The following CATSPER4 variants were observed in gnomAD, a reference collection of about 807,000 sequenced individuals.
CATSPER4 encodes cation channel sperm associated 4.
CATSPER4 carries 46 observed loss-of-function variants against 54.4 expected under a neutral mutation model. The observed-to-expected ratio is 0.84, with a 90% confidence interval of 0.67 to 1.08. The LOEUF (loss-of-function observed/expected upper bound fraction) is 1.08, where lower values mean the gene tolerates loss of function less well. CATSPER4 is among the 50% of genes least tolerant of loss of function. CATSPER4 has a pLI of 0.00. For missense variants in CATSPER4, 574 were observed against 612.8 expected (o/e 0.94, Z 0.67); for synonymous variants, 230 against 231.9 (o/e 0.99, Z 0.08).
Position 26,201,068 on chromosome 1 carries a change from C to T in CATSPER4, c.1199+27C>T, listed in dbSNP as rs753083102. ...TAGGGGAGGGTACTGGGGCTGCCCC[C>T]AAGTCATGTGAGTCAAGGCTGGGCG... is the stretch of plus-strand genomic sequence containing the variant. On this transcript the variant is annotated intron_variant, in intron 8 of 9. Coordinates refer to ENST00000456354, the MANE Select transcript of CATSPER4 (RefSeq NM_198137.2). 4.5e-6 allele frequency: 7 copies of T among 1,561,734 alleles called. No individual in the cohort carries two copies. The East Asian group carries it at 1.3e-4, about 30-fold the overall frequency.
intron 7 of CATSPER4, among the ~76,000 whole-genome samples, chr1:26,200,449 G>C (rs1214430662): frequency 1.3e-5 from 2 of 152,136 alleles, no homozygotes; most frequent in African/African-American, 4.8e-5. Flanking sequence ...GTTAGCTACG[G>C]TATTATTCAT....
At chr1:26,201,224 G>A in intron 8 of CATSPER4, 130 bp from the exon 9 acceptor site, 1 of 1,072,066 alleles carries the variant, frequency 9.3e-7, no homozygotes. Context: ...TCACACAAGG[G>A]CACAGCTCGG....
rs1201224045 is a variant in CATSPER4, at chr1:26,201,452, C to T, written c.1298C>T (p.Ser433Leu). ...ACGAGCGGGTCGTTGGAGACTACGT[C>T]ATCCAAGGACATCCGCCAGATGTCT... ...SSTSGSLETT[S>L]SKDIRQMSQQ... Residue 433 changes from serine to leucine, a missense_variant, in exon 9 of 10, where the codon TCA becomes TTA. Ser to Leu is a moderately radical substitution (Grantham distance 145, BLOSUM62 -2). Coordinates refer to ENST00000456354, the MANE Select transcript of CATSPER4 (RefSeq NM_198137.2). 1 of 1,613,866 alleles carries T rather than the reference C, an allele frequency of 6.2e-7. No homozygotes were observed. Among genetic ancestry groups the T allele is most frequent in the Non-Finnish European group, 8.5e-7 (1 of 1,179,760 alleles).
intron 6 of CATSPER4, 120 bp downstream of exon 6, chr1:26,198,539 G>C: frequency 7.7e-7 from 1 of 1,297,130 alleles, no homozygotes; most frequent in Non-Finnish European, 1.1e-6. Context: ...AGAAGTGGGG[G>C]TTCCCAGGTC....
At chr1:26,195,506 C>T (rs1569903428) in intron 3 of CATSPER4, among the ~76,000 whole-genome samples, 1 of 142,210 alleles carries the variant, frequency 7.0e-6, no homozygotes, top group South Asian at 2.2e-4. Context: ...TTTTCTTTTT[C>T]TTTTTTTTTT....
At chr1:26,200,750 C>A (rs1569911274) in intron 7 of CATSPER4, 80 bp from the exon 8 acceptor site, 1 of 1,132,420 alleles carries the variant, frequency 8.8e-7, no homozygotes, top group Non-Finnish European at 1.3e-6. Flanking sequence ...AGAGACTCAT[C>A]CTGAAGCCAA....
Position 26,197,939 on chromosome 1 carries a change from T to C in CATSPER4, c.558-18T>C. 6.2e-7 allele frequency: 1 copy of C among 1,612,442 alleles called. No homozygotes were observed. The highest frequency in any genetic ancestry group is 8.5e-7 in the Non-Finnish European group (1 of 1,179,884). The stretch of plus-strand genomic sequence containing the variant: ...GCTGGGAAGGGCCTAGGGGCACCCC[T>C]GACAGGCTCTGCCACAGGGCGCTTC... On this transcript the variant is annotated intron_variant, in intron 4 of 9. Transcript: ENST00000456354.
At chr1:26,202,427 G>T in intron 9 of CATSPER4, 62 bp from the exon 10 acceptor site, 1 of 1,454,162 alleles carries the variant, frequency 6.9e-7, no homozygotes, top group Non-Finnish European at 9.6e-7. Flanking sequence ...GAGGAGGTGA[G>T]TAACGGAGGC....
rs2088938843 is a variant in CATSPER4 at position 26,196,402 on chromosome 1, C to CCTT, written c.460-1284_460-1283insCTT. Among the ~76,000 whole-genome samples the CCTT allele has an allele frequency of 4.7e-4, 39 of 82,444 alleles. 2 individuals carry two copies. Among genetic ancestry groups the CCTT allele is most frequent in the Admixed American group, 4.0e-3 (25 of 6,288 alleles). 54.1% of individuals were successfully genotyped at this position (82,444 alleles called of 152,430 possible). A position where few individuals can be genotyped will look rare whatever the true frequency, so the allele number is the denominator to read the frequency against. On this transcript the variant is annotated intron_variant, in intron 3 of 9. Transcript: ENST00000456354. Reference sequence around the variant, plus strand: ...CATTTGACACGTTGGTTTTCTTTTCCTTTTTTTTTTTTTTTTTTTTTTTTT... The same window carrying CCTT: ...CATTTGACACGTTGGTTTTCTTTTCCCTTTTTTTTTTTTTTTTTTTTTTTTTTT...
At chr1:26,201,082 C>A in intron 8 of CATSPER4, 41 bp downstream of exon 8, 2 of 1,498,962 alleles carry the variant, frequency 1.3e-6, no homozygotes, top group South Asian at 2.3e-5. Flanking sequence ...TCATGTGAGT[C>A]AAGGCTGGGC....
intron 8 of CATSPER4, 152 bp downstream of exon 8, chr1:26,201,193 A>G: frequency 2.1e-6 from 2 of 952,356 alleles, no homozygotes; most frequent in Admixed American, 2.1e-5. Context: ...ACTGGAATCC[A>G]GACTCCAGGT....
Position 26,202,835 on chromosome 1 carries a change from G to T in CATSPER4, c.*293G>T. On this transcript the variant is annotated 3_prime_UTR_variant, in exon 10 of 10. Coordinates refer to ENST00000456354, the MANE Select transcript of CATSPER4 (RefSeq NM_198137.2). ...CGCAGCCAGGATTTGACCTAAGGAT[G>T]GGGATCCCTGGCCCCCTGCTCTTGC... 1 of 492,120 alleles carries T rather than the reference G, an allele frequency of 2.0e-6. No homozygotes were observed. Among genetic ancestry groups the T allele is most frequent in the East Asian group, 3.6e-5 (1 of 27,718 alleles). 30.5% of individuals were successfully genotyped at this position (492,120 alleles called of 1,614,324 possible).
In CATSPER4 at chr1:26,191,397, C is replaced by T. The variant is rs754719888; in HGVS notation, c.324C>T (p.Thr108=). Residue 108 remains threonine (T), a synonymous_variant, in exon 2 of 10, where the codon ACC becomes ACT. Coordinates refer to ENST00000456354, the MANE Select transcript of CATSPER4 (RefSeq NM_198137.2). Reference sequence around the variant, plus strand: ...TGCTGCTGGTGATCAATGCCATCACCATCGCTCTCCGTACCAACTCCTACC... The same window carrying T: ...TGCTGCTGGTGATCAATGCCATCACTATCGCTCTCCGTACCAACTCCTACC... The part of the protein sequence containing the change: ...LALLLVINAI[T]IALRTNSYLD... 1.2e-6 allele frequency: 2 copies of T among 1,614,190 alleles called. No homozygotes were observed. The highest frequency in any genetic ancestry group is 1.1e-5 in the South Asian group (1 of 91,088).
chr1:26,200,022 A>G lies in CATSPER4; in HGVS notation c.951A>G (p.Gly317=). The G allele has an allele frequency of 6.2e-7, 1 of 1,613,960 alleles. No homozygotes were observed. The highest frequency in any genetic ancestry group is 8.5e-7 in the Non-Finnish European group (1 of 1,179,920). The change falls in exon 7 of 10, where the codon GGA becomes GGG. Residue 317 remains glycine, a synonymous_variant. Coordinates refer to ENST00000456354, the MANE Select transcript of CATSPER4 (RefSeq NM_198137.2). ...TTNLEQMMKA[G]EQGQQQRITF... The stretch of plus-strand genomic sequence containing the variant: ...ACCTGGAGCAAATGATGAAGGCAGG[A>G]GAGCAGGGACAACAGCAACGAATAA...
In CATSPER4 at chr1:26,202,138, C is replaced by T. The variant is rs148935707; in HGVS notation, c.1366-351C>T. On this transcript the variant is annotated intron_variant, in intron 9 of 9. Coordinates refer to ENST00000456354, the MANE Select transcript of CATSPER4 (RefSeq NM_198137.2). ...CTTTCTTAGTGTGTGTGGCATGAGCCAGCTCAGTGCCTGCCTAGTGGCAGA... is the reference window on the plus strand; with the variant it reads ...CTTTCTTAGTGTGTGTGGCATGAGCTAGCTCAGTGCCTGCCTAGTGGCAGA... Among the ~76,000 whole-genome samples, 488 of 152,302 alleles carry T rather than the reference C, an allele frequency of 3.2e-3. 4 individuals carry two copies. Among genetic ancestry groups the T allele is most frequent in the African/African-American group, 0.011 (471 of 41,562 alleles).
chr1:26,195,009 G>A (rs971298216), intron 3 of CATSPER4, among the ~76,000 whole-genome samples: 3 of 152,158 alleles, frequency 2.0e-5, no homozygotes, highest in African/African-American at 4.8e-5. Flanking sequence ...ACTTGAACCC[G>A]GGAGGCGGAG....
chr1:26,202,341 G>C (rs938589657), intron 9 of CATSPER4, 148 bp from the exon 10 acceptor site: 12 of 728,724 alleles, frequency 1.6e-5, no homozygotes, highest in East Asian at 2.7e-5. Flanking sequence ...AAACTCAGAG[G>C]GGGTACTAGG....
intron 3 of CATSPER4, among the ~76,000 whole-genome samples, chr1:26,196,948 C>A (rs1336694113): frequency 1.4e-5 from 2 of 141,608 alleles, no homozygotes; most frequent in Non-Finnish European, 3.0e-5. Context: ...CACTCTGTCA[C>A]CCAGGCTGGA....
intron 6 of CATSPER4, 106 bp from the exon 7 acceptor site, chr1:26,199,778 G>T: frequency 8.0e-7 from 1 of 1,247,650 alleles, no homozygotes; most frequent in East Asian, 2.4e-5. Flanking sequence ...CAGTGACACA[G>T]GCAGAAGTTC....
Sources: allele counts gnomAD v4.1 joint callset (sites outside exome capture counted in the v4.1 genomes callset), GRCh38; gene constraint gnomAD v4.1.1; transcripts MANE v1.5; gene names NCBI Gene and HGNC (gene_info 2026-07-23, HGNC 2026-07-21).